SLAIN1: variants seen among roughly 807,000 people sequenced by gnomAD.
The protein encoded by SLAIN1 is SLAIN family member 1, also known as SLAIN motif-containing protein 1.
In SLAIN1, 17 loss-of-function variants were observed where a neutral mutation model predicts 55.4. That is an observed-to-expected ratio of 0.31 (90% confidence interval 0.21 to 0.46). SLAIN1 has a LOEUF of 0.46. Among genes scored for constraint, SLAIN1 ranks in the 20% least tolerant of loss-of-function variants. SLAIN1 has a pLI of 1.00. For missense variants in SLAIN1, 682 were observed against 785.1 expected (o/e 0.87, Z 1.57); for synonymous variants, 348 against 337.4 (o/e 1.03, Z -0.35).
chr13:77,752,097 T>C (rs986738415), intron 4 of SLAIN1, among the ~76,000 whole-genome samples: 4 of 152,136 alleles, frequency 2.6e-5, no homozygotes, highest in Non-Finnish European at 5.9e-5. Flanking sequence ...AAGCATTCTC[T>C]TGGTCTTTTT....
At chr13:77,715,677 A>G (rs1451568045) in intron 1 of SLAIN1, among the ~76,000 whole-genome samples, 1 of 152,146 alleles carries the variant, frequency 6.6e-6, no homozygotes, top group African/African-American at 2.4e-5. Flanking sequence ...CTATTTTTCT[A>G]ATGATTAATG....
At chr13:77,760,745 T>G in intron 5 of SLAIN1, 83 bp from the exon 6 acceptor site, 2 of 1,449,746 alleles carry the variant, frequency 1.4e-6, no homozygotes, top group Non-Finnish European at 1.9e-6. Context: ...TCAGGCATAA[T>G]GGACTCTTCT....
intron 1 of SLAIN1, among the ~76,000 whole-genome samples, chr13:77,705,321 G>A (rs2091078596): frequency 2.0e-5 from 3 of 151,900 alleles, no homozygotes; most frequent in Admixed American, 2.0e-4. Context: ...TTTCTGGTGT[G>A]TGTGGTTTGG....
rs2090989041 is a variant in SLAIN1, at chr13:77,697,864, G to T, written c.-50G>T. The T allele has an allele frequency of 1.6e-6, 2 of 1,272,910 alleles. No homozygotes were observed. Among genetic ancestry groups the T allele is most frequent in the South Asian group, 4.1e-5 (2 of 48,630 alleles). 78.9% of individuals were successfully genotyped at this position (1,272,910 alleles called of 1,614,324 possible). On this transcript the variant is annotated 5_prime_UTR_variant, in exon 1 of 7. Coordinates refer to ENST00000418532, the MANE Select transcript of SLAIN1 (RefSeq NM_001242868.2). The stretch of plus-strand genomic sequence containing the variant: ...TAGCCTCCCCGTGGCCCGAGGAGCC[G>T]GCGCGGCGGCGCGCACTCCCCGGCG...
chr13:77,729,001 A>G (rs78529846), intron 2 of SLAIN1, among the ~76,000 whole-genome samples: 2,381 of 152,344 alleles, frequency 0.016, 71 homozygotes, highest in African/African-American at 0.054. Flanking sequence ...CTCCTGATAC[A>G]TGCTATCATT....
intron 4 of SLAIN1, among the ~76,000 whole-genome samples, chr13:77,749,689 G>T (rs1874076175): frequency 6.6e-6 from 1 of 152,054 alleles, no homozygotes; most frequent in Non-Finnish European, 1.5e-5. Context: ...CATTACTTTT[G>T]GTTCCCTGAA....
rs1197325722 is a variant in SLAIN1, at chr13:77,753,255, C to A, written c.1311C>A (p.Ala437=). The A allele has an allele frequency of 3.7e-6, 6 of 1,612,878 alleles. No individual in the cohort carries two copies. The highest frequency in any genetic ancestry group is 5.1e-6 in the Non-Finnish European group (6 of 1,179,500). The change falls in exon 5 of 7, where the codon GCC becomes GCA. Residue 437 remains alanine (A), a synonymous_variant. Coordinates refer to ENST00000418532, the MANE Select transcript of SLAIN1 (RefSeq NM_001242868.2). ...PNLARMPSTT[A]ISSNISSPVT... ...TAGCCCGGATGCCAAGTACAACTGCCATTAGTAGCAACATTAGTTCTCCGG... is the reference window on the plus strand; with the variant it reads ...TAGCCCGGATGCCAAGTACAACTGCAATTAGTAGCAACATTAGTTCTCCGG...
At chr13:77,742,119 A>C (rs2154410327) in intron 2 of SLAIN1, among the ~76,000 whole-genome samples, 1 of 151,980 alleles carries the variant, frequency 6.6e-6, no homozygotes, top group South Asian at 2.1e-4. Flanking sequence ...CCCCAAGAAC[A>C]TGGAGATACA....
chr13:77,721,278 T>G (rs2091259733), intron 2 of SLAIN1, among the ~76,000 whole-genome samples: 1 of 152,182 alleles, frequency 6.6e-6, no homozygotes, highest in Non-Finnish European at 1.5e-5. Context: ...CCCCTTTACC[T>G]TCCACTATGA....
At chr13:77,748,398 CTTTTTTTT>C (rs934265928) in intron 4 of SLAIN1, among the ~76,000 whole-genome samples, 6 of 79,556 alleles carry the variant, frequency 7.5e-5, no homozygotes, top group African/African-American at 1.5e-4. Context: ...TTCTCTAAAG[CTTTTTTTT>C]TTTTTTTTTT....
At position 77,698,942 on chromosome 13, in the gene SLAIN1, T is replaced by C. The variant is rs1321600516; in HGVS notation, c.626+403T>C. 2 of 1,533,998 alleles carry C rather than the reference T, an allele frequency of 1.3e-6. No homozygotes were observed. The highest frequency in any genetic ancestry group is 1.7e-6 in the Non-Finnish European group (2 of 1,146,740). ...ACGGGGGATGGTAGGGGTTGGCCTC[T>C]GTCTGCGACTGTTACTGTTCTTTCG... On this transcript the variant is annotated intron_variant, in intron 1 of 6. Transcript: ENST00000418532. This position sits in a 1 kb window ranked among gnomAD's most constrained non-coding sequence, Gnocchi z 4.1.
chr13:77,711,020 C>A (rs1438235832), intron 1 of SLAIN1, among the ~76,000 whole-genome samples: 1 of 151,980 alleles, frequency 6.6e-6, no homozygotes, highest in Non-Finnish European at 1.5e-5. Context: ...GAAATAAGTT[C>A]TTTAAAACCA....
In SLAIN1 at chr13:77,719,682, G is replaced by A; in HGVS notation, c.766+11G>A. The A allele has an allele frequency of 6.2e-7, 1 of 1,611,932 alleles. No individual in the cohort carries two copies. Reference sequence around the variant, plus strand: ...TTAGACTGGAGCAAGGTAATTGTGAGTGTGTGCATTTACATTCTCCAACTC... The same window carrying A: ...TTAGACTGGAGCAAGGTAATTGTGAATGTGTGCATTTACATTCTCCAACTC... On this transcript the variant is annotated intron_variant, in intron 2 of 6. Transcript: ENST00000418532.
intron 1 of SLAIN1, among the ~76,000 whole-genome samples, chr13:77,714,305 A>C (rs1284084443): frequency 6.6e-6 from 1 of 152,088 alleles, no homozygotes; most frequent in African/African-American, 2.4e-5. Flanking sequence ...GGCAGCTATG[A>C]ATTTCTCATC....
chr13:77,722,718 C>T (rs531572554), intron 2 of SLAIN1, among the ~76,000 whole-genome samples: 1 of 152,040 alleles, frequency 6.6e-6, no homozygotes. Context: ...TATATTCAAG[C>T]CATGCAATAT....
chr13:77,706,543 C>G (rs2091092271), intron 1 of SLAIN1, among the ~76,000 whole-genome samples: 7 of 152,164 alleles, frequency 4.6e-5, no homozygotes, highest in Admixed American at 4.6e-4. Flanking sequence ...CCCTCTGAAA[C>G]TCTTAATCTC....
rs1331226968 is a variant in SLAIN1, at chr13:77,704,318, GTA to G, written c.626+5784_626+5785del. Reference sequence around the variant, plus strand: ...TTATATGTATATATACATAGAAACTGTATATACAGAGGTTTTATATGTATATA... The same window carrying G: ...TTATATGTATATATACATAGAAACTGTATACAGAGGTTTTATATGTATATA... On this transcript the variant is annotated intron_variant, in intron 1 of 6. Transcript: ENST00000418532. Among the ~76,000 whole-genome samples, 9 of 129,500 alleles carry G rather than the reference GTA, an allele frequency of 6.9e-5. 1 individual carries two copies. In the East Asian group the frequency reaches 1.8e-3, roughly 26 times the overall value. The allele number at this position is 129,500 out of a possible 152,430, so 85.0% of individuals were successfully genotyped here.
At position 77,744,288 on chromosome 13, in the gene SLAIN1, A is replaced by G. The variant is rs1277950234; in HGVS notation, c.772A>G (p.Thr258Ala). Residue 258 changes from threonine (T) to alanine (A), a missense_variant, in exon 3 of 7, where the codon ACT becomes GCT. This residue lies in a region of SLAIN1 where 401 missense variants were observed against 417.3 expected (regional missense o/e 0.96). Coordinates refer to ENST00000418532, the MANE Select transcript of SLAIN1 (RefSeq NM_001242868.2). ...ACTTTTCCTTTGTGTTTCAGGTTAC[A>G]CTTCCAGGGGCTCCCCACTCAGTCC... ...SLCFRLEQGY[T>A]SRGSPLSPQS... is the part of the protein sequence containing the mutation. The G allele has an allele frequency of 3.1e-6, 5 of 1,611,764 alleles. No homozygotes were observed. The highest frequency in any genetic ancestry group is 4.2e-6 in the Non-Finnish European group (5 of 1,178,406).
Position 77,698,276 on chromosome 13 carries a change from G to C in SLAIN1, c.363G>C (p.Ala121=), listed in dbSNP as rs771722423. The C allele has an allele frequency of 1.2e-5, 17 of 1,422,058 alleles. No homozygotes were observed. The highest frequency in any genetic ancestry group is 9.7e-5 in the South Asian group (7 of 72,296). The allele number at this position is 1,422,058 out of a possible 1,614,324, so 88.1% of individuals were successfully genotyped here. A position where few individuals can be genotyped will look rare whatever the true frequency, so the allele number is the denominator to read the frequency against. ...GSGSGGGSSP[A]FPGTFCLPSP... ...GCAGCGGCGGTGGCTCCAGCCCCGC[G>C]TTCCCGGGCACCTTCTGCCTGCCTA... is the stretch of plus-strand genomic sequence containing the variant. The change falls in exon 1 of 7, where the codon GCG becomes GCC. Residue 121 remains alanine (A), a synonymous_variant. Coordinates refer to ENST00000418532, the MANE Select transcript of SLAIN1 (RefSeq NM_001242868.2). This position sits in a 1 kb window ranked among gnomAD's most constrained non-coding sequence, Gnocchi z 4.1.
Sources: gnomAD v4.1 joint callset for allele counts (sites outside exome capture counted in the v4.1 genomes callset) on GRCh38, gnomAD v4.1.1 for gene constraint, gnomAD v4.1.1 regional missense constraint, Gnocchi (gnomAD v3.1) non-coding constraint, MANE v1.5 for transcripts, NCBI Gene and HGNC (gene_info 2026-07-23, HGNC 2026-07-21) for gene names.